Variants in NELL2 observed in about 807,000 individuals in gnomAD.
The protein encoded by NELL2 is neural EGFL like 2.
Under a neutral mutation model 109.6 loss-of-function variants are expected in NELL2, and 41 were observed. The ratio of observed to expected loss-of-function variants is 0.37; its 90% CI spans 0.29 to 0.49. NELL2 has a LOEUF of 0.49. Among genes scored for constraint, NELL2 ranks in the 20% least tolerant of loss-of-function variants. NELL2 has a pLI of 0.98. For missense variants in NELL2, 900 were observed against 1,008.3 expected (o/e 0.89, Z 1.45); for synonymous variants, 355 against 344.7 (o/e 1.03, Z -0.33).
chr12:44,802,526 G>A (rs1942866255), intron 3 of NELL2, among the ~76,000 whole-genome samples: 1 of 151,864 alleles, frequency 6.6e-6, no homozygotes, highest in South Asian at 2.1e-4. Context: ...AAGCTATCAA[G>A]AGAAAGGTAG....
At chr12:44,787,627 G>A (rs2136619305) in intron 3 of NELL2, among the ~76,000 whole-genome samples, 1 of 152,242 alleles carries the variant, frequency 6.6e-6, no homozygotes, top group East Asian at 1.9e-4. Flanking sequence ...CATATGGACA[G>A]AGAATCAAGA....
intron 12 of NELL2, among the ~76,000 whole-genome samples, chr12:44,702,264 G>C (rs534137788): frequency 6.6e-6 from 1 of 152,008 alleles, no homozygotes; most frequent in Non-Finnish European, 1.5e-5. Flanking sequence ...CACTAATTCT[G>C]TCTTAGCTCC....
At chr12:44,785,468 A>G (rs574549122) in intron 3 of NELL2, among the ~76,000 whole-genome samples, 1 of 152,330 alleles carries the variant, frequency 6.6e-6, no homozygotes, top group South Asian at 2.1e-4. Flanking sequence ...TAATGTATAG[A>G]TTCAGTGCTA....
intron 13 of NELL2, among the ~76,000 whole-genome samples, chr12:44,634,662 A>T (rs113743662): frequency 0.01 from 1,526 of 152,292 alleles, 26 homozygotes; most frequent in African/African-American, 0.034. Flanking sequence ...TATTAGAATG[A>T]TTAATAATCC....
At chr12:44,749,769 C>A (rs1344440107) in intron 9 of NELL2, among the ~76,000 whole-genome samples, 1 of 151,968 alleles carries the variant, frequency 6.6e-6, no homozygotes, top group Non-Finnish European at 1.5e-5. Context: ...AGAGGTGATG[C>A]CATCATTCAA....
intron 12 of NELL2, among the ~76,000 whole-genome samples, chr12:44,691,781 T>C (rs989743085): frequency 2.0e-5 from 3 of 152,198 alleles, no homozygotes; most frequent in Non-Finnish European, 4.4e-5. Flanking sequence ...CAACATTCCC[T>C]TGAGCCAAAG....
intron 12 of NELL2, among the ~76,000 whole-genome samples, chr12:44,686,400 C>T (rs901959905): frequency 2.6e-5 from 4 of 152,164 alleles, no homozygotes; most frequent in African/African-American, 9.7e-5. Flanking sequence ...CGTCTGAAGC[C>T]TTCTTCTCTC....
chr12:44,652,063 C>A (rs969651379), intron 13 of NELL2, among the ~76,000 whole-genome samples: 1 of 152,120 alleles, frequency 6.6e-6, no homozygotes, highest in Non-Finnish European at 1.5e-5. Context: ...AATAAATCCC[C>A]ATTGAGAGCT....
intron 9 of NELL2, among the ~76,000 whole-genome samples, chr12:44,728,194 G>T (rs2136466990): frequency 6.6e-6 from 1 of 152,150 alleles, no homozygotes; most frequent in African/African-American, 2.4e-5. Context: ...GCTGCTCAAT[G>T]AGCTCAGGAA....
chr12:44,696,374 T>C (rs1332224280), intron 12 of NELL2, among the ~76,000 whole-genome samples: 1 of 152,212 alleles, frequency 6.6e-6, no homozygotes, highest in Non-Finnish European at 1.5e-5. Flanking sequence ...ATACCAGATA[T>C]TTCATGTTGA....
At chr12:44,786,071 T>G (rs1353722171) in intron 3 of NELL2, among the ~76,000 whole-genome samples, 1 of 152,080 alleles carries the variant, frequency 6.6e-6, no homozygotes, top group Non-Finnish European at 1.5e-5. Flanking sequence ...CCAAAGAAAC[T>G]ATCATCAGAG....
intron 15 of NELL2, among the ~76,000 whole-genome samples, chr12:44,540,441 G>A (rs984805987): frequency 2.0e-5 from 3 of 152,074 alleles, no homozygotes; most frequent in African/African-American, 7.2e-5. Context: ...TTAATAATAT[G>A]GCTAATGGGG....
chr12:44,882,334 T>C (rs1341991359), intron 1 of NELL2, among the ~76,000 whole-genome samples: 1 of 151,640 alleles, frequency 6.6e-6, no homozygotes, highest in African/African-American at 2.4e-5. Context: ...TTCATATATA[T>C]GTATGTATAT....
In NELL2 at chr12:44,532,695, C is replaced by T; in HGVS notation, c.1690G>A (p.Val564Ile). 6.2e-6 allele frequency: 10 copies of T among 1,613,060 alleles called. No homozygotes were observed. The highest frequency in any genetic ancestry group is 7.6e-6 in the Non-Finnish European group (9 of 1,179,420). Residue 564 changes from valine to isoleucine, a missense_variant, in exon 16 of 20, where the codon GTT becomes ATT. Transcript: ENST00000429094. Reference sequence around the variant, plus strand: ...CAATTAGCACGACTGTCACATTGAACAAAACCATCAGAGCATTCATCAATG... The same window carrying T: ...CAATTAGCACGACTGTCACATTGAATAAAACCATCAGAGCATTCATCAATG... ...TDIDECSDGFVQCDSRANCIN... is the reference protein window; with the variant it reads ...TDIDECSDGFIQCDSRANCIN...
At chr12:44,780,713 G>A (rs1287116238) in intron 3 of NELL2, among the ~76,000 whole-genome samples, 3 of 152,038 alleles carry the variant, frequency 2.0e-5, no homozygotes, top group Non-Finnish European at 4.4e-5. Context: ...TAAGGAGTCA[G>A]GAGTTTTATA....
intron 15 of NELL2, among the ~76,000 whole-genome samples, chr12:44,572,787 T>G (rs1943923957): frequency 6.6e-6 from 1 of 152,200 alleles, no homozygotes; most frequent in South Asian, 2.1e-4. Context: ...GAAAGAAACC[T>G]AAGTTTCCTC....
chr12:44,641,567 C>T (rs7295303), intron 13 of NELL2, among the ~76,000 whole-genome samples: 2 of 151,908 alleles, frequency 1.3e-5, no homozygotes, highest in African/African-American at 4.8e-5. Flanking sequence ...AAGAAAAAAA[C>T]CCCATAAATA....
chr12:44,544,973 T>TA (rs1227471923), intron 15 of NELL2, among the ~76,000 whole-genome samples: 10 of 151,854 alleles, frequency 6.6e-5, no homozygotes, highest in Non-Finnish European at 1.0e-4. Context: ...AAGGGAACTA[T>TA]AGGAGGGATT....
intron 13 of NELL2, among the ~76,000 whole-genome samples, chr12:44,645,703 T>C (rs1278010820): frequency 1.3e-5 from 2 of 152,204 alleles, no homozygotes; most frequent in East Asian, 1.9e-4. Flanking sequence ...AAATACCTTT[T>C]AATATTTTTA....
Sources: gnomAD v4.1 joint callset for allele counts (sites outside exome capture counted in the v4.1 genomes callset) on GRCh38, gnomAD v4.1.1 for gene constraint, MANE v1.5 for transcripts, NCBI Gene and HGNC (gene_info 2026-07-23, HGNC 2026-07-21) for gene names.